The following FTO variants were observed in gnomAD, a reference collection of about 807,000 sequenced individuals.
FTO encodes FTO alpha-ketoglutarate dependent dioxygenase, also known as alpha-ketoglutarate-dependent dioxygenase FTO.
FTO carries 47 observed loss-of-function variants against 63.9 expected under a neutral mutation model. The ratio of observed to expected loss-of-function variants is 0.74; its 90% CI spans 0.58 to 0.94. The LOEUF (loss-of-function observed/expected upper bound fraction) is 0.94, where lower values mean the gene tolerates loss of function less well. FTO is among the 40% of genes least tolerant of loss of function. The pLI, the probability that FTO is intolerant of heterozygous loss-of-function variation, is 0.00. For synonymous variants in FTO, 207 were observed against 224.4 expected (o/e 0.92, Z 0.69); for missense variants, 562 against 618.1 (o/e 0.91, Z 0.96).
intron 8 of FTO, chr16:53,937,163 C>T: frequency 2.5e-6 from 1 of 398,380 alleles, no homozygotes; most frequent in Non-Finnish European, 4.4e-6. Context: ...CATCTGAGTG[C>T]TGTGGGTTTC....
chr16:54,080,701 A>G (rs897108599), intron 8 of FTO, among the ~76,000 whole-genome samples: 5 of 152,186 alleles, frequency 3.3e-5, no homozygotes, highest in Non-Finnish European at 5.9e-5. Flanking sequence ...TTACCTGATC[A>G]GTAATTGTTT....
chr16:53,941,256 T>C (rs2082522696), intron 8 of FTO, among the ~76,000 whole-genome samples: 1 of 152,184 alleles, frequency 6.6e-6, no homozygotes, highest in Non-Finnish European at 1.5e-5. Flanking sequence ...TCAAGATGAG[T>C]ATGACGTGAG....
At chr16:53,783,604 TAA>T (rs753810468) in intron 1 of FTO, among the ~76,000 whole-genome samples, 1 of 68,134 alleles carries the variant, frequency 1.5e-5, no homozygotes, top group Admixed American at 2.1e-4. Context: ...CAAGACTCCA[TAA>T]AAAAAAAAAA....
At chr16:54,041,090 TTA>T (rs750490881) in intron 8 of FTO, among the ~76,000 whole-genome samples, 4 of 152,224 alleles carry the variant, frequency 2.6e-5, no homozygotes, top group Non-Finnish European at 4.4e-5. Context: ...TACTATTACT[TTA>T]TCACAGAAGA....
rs547787696 is a variant in FTO at position 54,012,398 on chromosome 16, G to A, written c.1364+78289G>A. Among the ~76,000 whole-genome samples, 19 of 152,300 alleles carry A rather than the reference G, an allele frequency of 1.2e-4. No individual in the cohort carries two copies. The East Asian group carries it at 3.3e-3, about 26-fold the overall frequency. On this transcript the variant is annotated intron_variant, in intron 8 of 8. Transcript: ENST00000471389. ...GGATGGTTCATGAGATTTAAGAAAA[G>A]AAACTGTCTCCATAACATAAGTGCA...
At chr16:53,840,684 G>A (rs924355605) in intron 3 of FTO, among the ~76,000 whole-genome samples, 4 of 152,196 alleles carry the variant, frequency 2.6e-5, no homozygotes, top group African/African-American at 9.7e-5. Context: ...TGATTTGCCT[G>A]TGATCTCTGC....
intron 8 of FTO, among the ~76,000 whole-genome samples, chr16:54,067,670 A>G (rs1027335394): frequency 5.9e-5 from 9 of 152,204 alleles, no homozygotes; most frequent in African/African-American, 1.7e-4. Flanking sequence ...AGTTGTGTCT[A>G]ATGTTCCATG....
intron 7 of FTO, among the ~76,000 whole-genome samples, chr16:53,893,051 T>A (rs1255458058): frequency 6.6e-6 from 1 of 152,184 alleles, no homozygotes; most frequent in African/African-American, 2.4e-5. Flanking sequence ...TCCCAGCGGA[T>A]AGTTTTACTC....
In FTO at chr16:53,845,955, C is replaced by T. The variant is rs74021313; in HGVS notation, c.895+1657C>T. On this transcript the variant is annotated intron_variant, in intron 4 of 8. Transcript: ENST00000471389. Reference sequence around the variant, plus strand: ...TGAACACTGATCTAAGTATGCCCTTCATCTCTTGCCTTCCATGTGAACATT... The same window carrying T: ...TGAACACTGATCTAAGTATGCCCTTTATCTCTTGCCTTCCATGTGAACATT... Among the ~76,000 whole-genome samples, 298 of 152,296 alleles carry T rather than the reference C, an allele frequency of 2.0e-3. 1 individual carries two copies. Among genetic ancestry groups the T allele is most frequent in the Middle Eastern group, 6.8e-3 (2 of 294 alleles).
chr16:53,910,434 T>C (rs1367026537), intron 7 of FTO, among the ~76,000 whole-genome samples: 1 of 152,186 alleles, frequency 6.6e-6, no homozygotes, highest in Non-Finnish European at 1.5e-5. Flanking sequence ...GAGGAGAGGC[T>C]GGAGGCATGG....
chr16:53,970,590 C>CA (rs750908676), intron 8 of FTO, among the ~76,000 whole-genome samples: 7,839 of 64,740 alleles, frequency 0.12, 402 homozygotes, highest in African/African-American at 0.25. Context: ...GACTCCATCT[C>CA]AAAAAAAAAA....
chr16:53,806,506 A>G (rs1428452856), intron 1 of FTO, among the ~76,000 whole-genome samples: 2 of 152,022 alleles, frequency 1.3e-5, no homozygotes, highest in Non-Finnish European at 2.9e-5. Flanking sequence ...TTACTTCCCA[A>G]TATCTTCTGG....
chr16:54,111,876 T>A lies in FTO; in HGVS notation c.1479T>A (p.Val493=). 6.2e-7 allele frequency: 1 copy of A among 1,614,088 alleles called. No homozygotes were observed. The highest frequency in any genetic ancestry group is 8.5e-7 in the Non-Finnish European group (1 of 1,180,012). ...MPLPFDLTDI[V]SELRGQLLEA... ...TGCCGTTTGACCTCACAGACATCGT[T>A]TCAGAACTCAGAGGTCAGCTTCTGG... The change falls in exon 9 of 9, where the codon GTT becomes GTA. Residue 493 remains valine (V), a synonymous_variant. Transcript: ENST00000471389.
intron 8 of FTO, among the ~76,000 whole-genome samples, chr16:54,078,178 A>G (rs1187616975): frequency 6.6e-6 from 1 of 152,028 alleles, no homozygotes; most frequent in Non-Finnish European, 1.5e-5. Context: ...TCAAAGTTAC[A>G]TCTAAAGTTT....
intron 1 of FTO, among the ~76,000 whole-genome samples, chr16:53,759,693 CAAAA>C (rs758376530): frequency 3.5e-5 from 1 of 28,516 alleles, no homozygotes; most frequent in Non-Finnish European, 6.6e-5. Flanking sequence ...GACTCCTTCT[CAAAA>C]AAAAAAAAAA....
At chr16:53,720,328 A>G (rs766580571) in intron 1 of FTO, among the ~76,000 whole-genome samples, 14 of 152,124 alleles carry the variant, frequency 9.2e-5, no homozygotes, top group Non-Finnish European at 2.1e-4. Flanking sequence ...AATAAATGTA[A>G]AAGAACTTTG....
chr16:53,959,326 T>C (rs1212587045), intron 8 of FTO, among the ~76,000 whole-genome samples: 2 of 152,128 alleles, frequency 1.3e-5, no homozygotes, highest in East Asian at 1.9e-4. Flanking sequence ...AGGCCCTTCC[T>C]GAATGGGCTT....
intron 7 of FTO, among the ~76,000 whole-genome samples, chr16:53,929,211 C>A (rs2082222550): frequency 6.6e-6 from 1 of 152,138 alleles, no homozygotes; most frequent in African/African-American, 2.4e-5. Context: ...CCATCATGCT[C>A]AAAAATTCCC....
At chr16:53,736,107 A>C (rs1244611130) in intron 1 of FTO, among the ~76,000 whole-genome samples, 1 of 152,214 alleles carries the variant, frequency 6.6e-6, no homozygotes, top group Non-Finnish European at 1.5e-5. Context: ...GGAGAGGTTA[A>C]GTAATGTGTT....
Sources: gnomAD v4.1 joint callset for allele counts (sites outside exome capture counted in the v4.1 genomes callset) on GRCh38, gnomAD v4.1.1 for gene constraint, MANE v1.5 for transcripts, NCBI Gene and HGNC (gene_info 2026-07-23, HGNC 2026-07-21) for gene names.